Variants in STK32B observed in about 807,000 individuals in gnomAD.
The protein encoded by STK32B is serine/threonine kinase 32B.
STK32B carries 43 observed loss-of-function variants against 52.6 expected under a neutral mutation model. The observed-to-expected ratio is 0.82, with a 90% CI of 0.64 to 1.05. The LOEUF is 1.05. STK32B is among the 50% of genes least tolerant of loss of function. The pLI, the probability that STK32B is intolerant of heterozygous loss-of-function variation, is 0.00. For synonymous variants in STK32B, 238 were observed against 204.3 expected, an observed-to-expected ratio of 1.17 and a Z score of -1.41; for missense variants, 621 against 534.6, an observed-to-expected ratio of 1.16 and a Z score of -1.59.
rs185065067 is a variant in STK32B, at chr4:5,145,859, G to A, written c.108+5899G>A. On this transcript the variant is annotated intron_variant, in intron 2 of 11. Coordinates refer to ENST00000282908, the MANE Select transcript of STK32B (RefSeq NM_018401.3). ...CTATTTCGATAAGATCCAATTTGTT[G>A]AGTGCTTTTGCTTTTAGGGCCATTG... 4.6e-3 allele frequency among the ~76,000 whole-genome samples: 698 copies of A among 152,208 alleles called. 2 individuals are homozygous for A. Among genetic ancestry groups the A allele is most frequent in the Non-Finnish European group, 6.7e-3 (458 of 68,008 alleles).
intron 6 of STK32B, among the ~76,000 whole-genome samples, chr4:5,438,837 G>C (rs1022168181): frequency 4.6e-5 from 7 of 152,036 alleles, no homozygotes; most frequent in African/African-American, 1.4e-4. Context: ...CCACCTATGA[G>C]TGACAATATG....
chr4:5,252,411 C>G (rs1726001278), intron 3 of STK32B, among the ~76,000 whole-genome samples: 1 of 152,152 alleles, frequency 6.6e-6, no homozygotes, highest in Admixed American at 6.5e-5. Flanking sequence ...ATTAGTTGTT[C>G]CCATTGAAAG....
intron 4 of STK32B, among the ~76,000 whole-genome samples, chr4:5,332,203 T>C (rs905953910): frequency 1.2e-4 from 18 of 152,088 alleles, no homozygotes; most frequent in Non-Finnish European, 4.4e-5. Context: ...TAAATGACAG[T>C]AAGGAATGTT....
intron 2 of STK32B, among the ~76,000 whole-genome samples, chr4:5,145,702 G>A (rs1466182583): frequency 6.6e-6 from 1 of 152,136 alleles, no homozygotes; most frequent in Admixed American, 6.5e-5. Flanking sequence ...TTTAAAAAAT[G>A]GGTTGTTTGT....
intron 3 of STK32B, among the ~76,000 whole-genome samples, chr4:5,300,663 A>T (rs1463549574): frequency 2.0e-5 from 3 of 152,196 alleles, no homozygotes; most frequent in Admixed American, 6.6e-5. Context: ...ATGAAAACCA[A>T]ATCAAGAATG....
At chr4:5,144,784 TCATCCATC>T (rs112099943) in intron 2 of STK32B, among the ~76,000 whole-genome samples, 4,522 of 95,622 alleles carry the variant, frequency 0.047, 151 homozygotes, top group African/African-American at 0.11. Flanking sequence ...ACTCATTCAC[TCATCCATC>T]CATCCATCCA....
chr4:5,288,803 C>G (rs930924709), intron 3 of STK32B, among the ~76,000 whole-genome samples: 1 of 152,154 alleles, frequency 6.6e-6, no homozygotes, highest in African/African-American at 2.4e-5. Flanking sequence ...CCTATCCAAG[C>G]TCTTGAAAAC....
intron 3 of STK32B, among the ~76,000 whole-genome samples, chr4:5,287,199 G>A (rs966353744): frequency 6.6e-6 from 1 of 152,072 alleles, no homozygotes; most frequent in African/African-American, 2.4e-5. Flanking sequence ...TTTCCCAAAG[G>A]GTTTGTACCA....
intron 4 of STK32B, among the ~76,000 whole-genome samples, chr4:5,354,487 A>C (rs1353553796): frequency 6.6e-6 from 1 of 152,218 alleles, no homozygotes. Context: ...GCTGGTCTCA[A>C]ACTCCTGACT....
intron 11 of STK32B, among the ~76,000 whole-genome samples, chr4:5,482,347 A>G (rs1718785463): frequency 6.6e-6 from 1 of 152,162 alleles, no homozygotes; most frequent in Non-Finnish European, 1.5e-5. Context: ...CTTTGAAGCA[A>G]TTGTGAATGG....
At chr4:5,338,575 TAA>T (rs148299209) in intron 4 of STK32B, among the ~76,000 whole-genome samples, 7,898 of 152,246 alleles carry the variant, frequency 0.052, 246 homozygotes, top group South Asian at 0.075. Flanking sequence ...CCTGAGACAC[TAA>T]GTCATGTGGA....
At chr4:5,222,301 G>A (rs531962443) in intron 3 of STK32B, among the ~76,000 whole-genome samples, 1 of 152,312 alleles carries the variant, frequency 6.6e-6, no homozygotes, top group Non-Finnish European at 1.5e-5. Flanking sequence ...TTCAAACTGG[G>A]TAATGGGTAG....
intron 3 of STK32B, among the ~76,000 whole-genome samples, chr4:5,183,135 C>T (rs1350085691): frequency 6.6e-6 from 1 of 152,118 alleles, no homozygotes; most frequent in Non-Finnish European, 1.5e-5. Flanking sequence ...CTTAAAGTCA[C>T]CGACTGCATT....
At chr4:5,349,077 A>AG (rs796606769) in intron 4 of STK32B, among the ~76,000 whole-genome samples, 22,293 of 152,026 alleles carry the variant, frequency 0.15, 2,265 homozygotes, top group African/African-American at 0.28. Context: ...CCCATCATTC[A>AG]TGTCATGCCT....
At chr4:5,441,223 T>C (rs2109109601) in intron 6 of STK32B, among the ~76,000 whole-genome samples, 1 of 151,690 alleles carries the variant, frequency 6.6e-6, no homozygotes, top group East Asian at 1.9e-4. Flanking sequence ...TGGCTGTGAA[T>C]CCATCTGGTC....
At chr4:5,220,542 CA>C (rs1723465404) in intron 3 of STK32B, among the ~76,000 whole-genome samples, 1 of 152,206 alleles carries the variant, frequency 6.6e-6, no homozygotes, top group African/African-American at 2.4e-5. Flanking sequence ...CCTCCACAAA[CA>C]GCTTGCAGTA....
At chr4:5,160,500 C>T (rs912322156) in intron 2 of STK32B, among the ~76,000 whole-genome samples, 4 of 152,100 alleles carry the variant, frequency 2.6e-5, no homozygotes, top group Non-Finnish European at 5.9e-5. Flanking sequence ...ATGAGACCAA[C>T]CCTTGGTGAC....
chr4:5,116,520 A>G (rs1186626146), intron 1 of STK32B, among the ~76,000 whole-genome samples: 1 of 151,678 alleles, frequency 6.6e-6, no homozygotes. Context: ...CTTAATATCT[A>G]CTCTTATTTT....
At chr4:5,356,554 T>G (rs1048762033) in intron 4 of STK32B, among the ~76,000 whole-genome samples, 3 of 152,166 alleles carry the variant, frequency 2.0e-5, no homozygotes, top group African/African-American at 7.2e-5. Flanking sequence ...TGAGCCTTGT[T>G]ATGCGCTACA....
Sources: allele counts gnomAD v4.1 joint callset (sites outside exome capture counted in the v4.1 genomes callset), GRCh38; gene constraint gnomAD v4.1.1; transcripts MANE v1.5; gene names NCBI Gene and HGNC (gene_info 2026-07-23, HGNC 2026-07-21).